Variants in CDK14 observed in about 807,000 individuals in gnomAD.
CDK14 encodes cyclin-dependent kinase 14.
CDK14 carries 34 observed loss-of-function variants against 60.7 expected under a neutral mutation model. The ratio of observed to expected loss-of-function variants is 0.56; its 90% CI spans 0.43 to 0.75. The LOEUF is 0.75. Among genes scored for constraint, CDK14 ranks in the 30% least tolerant of loss-of-function variants. The probability of loss-of-function intolerance (pLI) is 0.00; values close to 1 mark genes in which losing one functional copy is unlikely to be tolerated. For synonymous variants in CDK14, 197 were observed against 203.7 expected (o/e 0.97, Z 0.28); for missense variants, 482 against 564.1 (o/e 0.85, Z 1.47).
At chr7:91,031,080 A>C (rs1477096517) in intron 10 of CDK14, among the ~76,000 whole-genome samples, 3 of 152,206 alleles carry the variant, frequency 2.0e-5, no homozygotes, top group Non-Finnish European at 2.9e-5. Context: ...TCTGTGCATC[A>C]GCCAGTGGAC....
intron 14 of CDK14, among the ~76,000 whole-genome samples, chr7:91,156,441 G>C (rs1800985746): frequency 6.6e-6 from 1 of 152,144 alleles, no homozygotes; most frequent in Admixed American, 6.5e-5. Flanking sequence ...GATTTAAGGA[G>C]GGAGTGAGGA....
intron 8 of CDK14, 80 bp downstream of exon 8, chr7:90,917,804 G>A (rs78194207): frequency 0.2 from 279,923 of 1,395,846 alleles, 30,033 homozygotes; most frequent in South Asian, 0.26. Flanking sequence ...ATTTGTTTAG[G>A]TGCACTTCTT....
At chr7:90,617,921 A>G (rs1438489878) in intron 2 of CDK14, among the ~76,000 whole-genome samples, 1 of 152,202 alleles carries the variant, frequency 6.6e-6, no homozygotes, top group East Asian at 1.9e-4. Context: ...TTTGAGCTGG[A>G]AGGCATGATG....
chr7:90,903,048 C>A (rs935494095), intron 7 of CDK14, among the ~76,000 whole-genome samples: 3 of 151,962 alleles, frequency 2.0e-5, no homozygotes, highest in Non-Finnish European at 4.4e-5. Context: ...TCCATCTTAC[C>A]CCAGTTAGGA....
intron 10 of CDK14, among the ~76,000 whole-genome samples, chr7:91,029,217 T>A (rs1374507622): frequency 6.6e-6 from 1 of 152,218 alleles, no homozygotes; most frequent in African/African-American, 2.4e-5. Flanking sequence ...TTGGTTACTA[T>A]GACCTTGTTG....
At chr7:90,992,461 C>T (rs2115698004) in intron 10 of CDK14, among the ~76,000 whole-genome samples, 1 of 152,288 alleles carries the variant, frequency 6.6e-6, no homozygotes, top group Middle Eastern at 3.4e-3. Flanking sequence ...GAGGAGACCG[C>T]AGTACACAAA....
intron 6 of CDK14, 93 bp downstream of exon 6, chr7:90,863,362 C>G: frequency 1.6e-6 from 1 of 639,990 alleles, no homozygotes; most frequent in Admixed American, 3.0e-5. Context: ...GATTGCTGTA[C>G]TGAAGTTAAT....
chr7:90,929,447 G>A (rs897317447), intron 8 of CDK14, among the ~76,000 whole-genome samples: 5 of 152,190 alleles, frequency 3.3e-5, no homozygotes, highest in Non-Finnish European at 5.9e-5. Flanking sequence ...GGCAAGGGAC[G>A]ATTTTAAAAA....
chr7:90,701,579 A>G (rs1801787673), intron 2 of CDK14, among the ~76,000 whole-genome samples: 1 of 152,192 alleles, frequency 6.6e-6, no homozygotes, highest in South Asian at 2.1e-4. Context: ...GTTTAAAACA[A>G]GACATCTATT....
At chr7:90,653,893 C>A (rs984516792) in intron 2 of CDK14, among the ~76,000 whole-genome samples, 2 of 152,156 alleles carry the variant, frequency 1.3e-5, no homozygotes, top group Non-Finnish European at 2.9e-5. Flanking sequence ...GTTCAATTCC[C>A]ACCTATGAGT....
At chr7:91,110,673 A>C (rs565143477) in intron 12 of CDK14, among the ~76,000 whole-genome samples, 100 of 152,316 alleles carry the variant, frequency 6.6e-4, no homozygotes, top group Non-Finnish European at 1.3e-3. Context: ...TGGGCGATTA[A>C]TAATATTCCT....
intron 10 of CDK14, among the ~76,000 whole-genome samples, chr7:91,020,194 A>G (rs1383767890): frequency 6.6e-6 from 1 of 152,160 alleles, no homozygotes; most frequent in African/African-American, 2.4e-5. Context: ...TCAAACCTCC[A>G]TGGAGGGATT....
chr7:90,948,598 A>C (rs1794166125), intron 8 of CDK14, among the ~76,000 whole-genome samples: 1 of 152,252 alleles, frequency 6.6e-6, no homozygotes, highest in Admixed American at 6.5e-5. Context: ...CCTATGGGTC[A>C]GATGGTCTCT....
chr7:90,601,792 C>T (rs751033544), intron 1 of CDK14, among the ~76,000 whole-genome samples: 7 of 152,030 alleles, frequency 4.6e-5, no homozygotes, highest in Non-Finnish European at 8.8e-5. Flanking sequence ...CTCACTCTGT[C>T]GCCCAGGCTG....
At chr7:90,698,892 T>C (rs960584374) in intron 2 of CDK14, among the ~76,000 whole-genome samples, 2 of 152,196 alleles carry the variant, frequency 1.3e-5, no homozygotes, top group African/African-American at 4.8e-5. Context: ...ACTCTTACCC[T>C]GCAGCTTTGT....
intron 6 of CDK14, among the ~76,000 whole-genome samples, chr7:90,896,504 A>G (rs996347383): frequency 1.5e-4 from 23 of 152,274 alleles, no homozygotes; most frequent in African/African-American, 5.3e-4. Context: ...TGCTTATTGA[A>G]AGAGCTAGAG....
chr7:91,091,487 G>A (rs138676273), intron 12 of CDK14, among the ~76,000 whole-genome samples: 1,006 of 81,244 alleles, frequency 0.012, 48 homozygotes, highest in African/African-American at 0.054. Flanking sequence ...ATATGTATAT[G>A]TAGTTTATAT....
chr7:90,690,578 T>C (rs1271203436), intron 2 of CDK14, among the ~76,000 whole-genome samples: 2 of 152,160 alleles, frequency 1.3e-5, no homozygotes, highest in Non-Finnish European at 2.9e-5. Flanking sequence ...ATTTATTTCA[T>C]CTTAGCAGGA....
chr7:90,704,376 A>T (rs1801851458), intron 2 of CDK14, among the ~76,000 whole-genome samples: 1 of 152,216 alleles, frequency 6.6e-6, no homozygotes, highest in South Asian at 2.1e-4. Flanking sequence ...TTTAGCCAAG[A>T]CATGTTACAG....
Sources: allele counts gnomAD v4.1 joint callset (sites outside exome capture counted in the v4.1 genomes callset), GRCh38; gene constraint gnomAD v4.1.1; transcripts MANE v1.5; gene names NCBI Gene and HGNC (gene_info 2026-07-23, HGNC 2026-07-21).